MFHAS1: variants seen among roughly 807,000 people sequenced by gnomAD.
MFHAS1 encodes multifunctional ROCO family signaling regulator 1.
Under a neutral mutation model 70.4 loss-of-function variants are expected in MFHAS1, and 50 were observed. The ratio of observed to expected loss-of-function variants is 0.71; its 90% confidence interval spans 0.57 to 0.90. MFHAS1 has a LOEUF of 0.90. MFHAS1 is among the 40% of genes least tolerant of loss of function. The pLI, the probability that MFHAS1 is intolerant of heterozygous loss-of-function variation, is 0.00. For missense variants in MFHAS1, 1,795 were observed against 1,347.6 expected, an observed-to-expected ratio of 1.33 and a Z score of -5.20; for synonymous variants, 952 against 620.0, an observed-to-expected ratio of 1.54 and a Z score of -7.96.
At chr8:8,831,134 G>T (rs977580580) in intron 1 of MFHAS1, among the ~76,000 whole-genome samples, 1 of 152,042 alleles carries the variant, frequency 6.6e-6, no homozygotes, top group East Asian at 1.9e-4. Context: ...ATGGCAGAGA[G>T]AGACACAGTG....
At chr8:8,786,107 A>G (rs776590073) in intron 2 of MFHAS1, 52 bp from the exon 3 acceptor site, 1 of 1,472,868 alleles carries the variant, frequency 6.8e-7, no homozygotes, top group Non-Finnish European at 9.5e-7. Context: ...CGTACTGGAC[A>G]ATGCTACCCT....
chr8:8,859,995 G>C (rs1378616430), intron 1 of MFHAS1: 1 of 152,174 alleles, frequency 6.6e-6, no homozygotes, highest in Non-Finnish European at 1.5e-5. Context: ...CATACCTTAG[G>C]TGGAGGATTT....
chr8:8,813,173 G>A (rs193177312), intron 1 of MFHAS1, among the ~76,000 whole-genome samples: 1 of 152,290 alleles, frequency 6.6e-6, no homozygotes, highest in East Asian at 1.9e-4. Context: ...ATGTCGTAGA[G>A]CAATGCATTA....
intron 1 of MFHAS1, among the ~76,000 whole-genome samples, chr8:8,883,424 T>C (rs1325347122): frequency 6.6e-6 from 1 of 151,730 alleles, no homozygotes; most frequent in Non-Finnish European, 1.5e-5. Context: ...AGGGCTCCCA[T>C]GGGCCAGGCG....
chr8:8,842,640 C>G (rs1807876102), intron 1 of MFHAS1, among the ~76,000 whole-genome samples: 1 of 152,190 alleles, frequency 6.6e-6, no homozygotes, highest in African/African-American at 2.4e-5. Context: ...CGGCATCACC[C>G]AGGAGCTGGT....
At chr8:8,867,563 CTT>C (rs895280359) in intron 1 of MFHAS1, among the ~76,000 whole-genome samples, 13 of 144,264 alleles carry the variant, frequency 9.0e-5, no homozygotes, top group Admixed American at 6.9e-5. Context: ...AATTGCTATA[CTT>C]TTTTTTTTTT....
At chr8:8,856,224 C>T (rs1808432872) in intron 1 of MFHAS1, among the ~76,000 whole-genome samples, 1 of 152,174 alleles carries the variant, frequency 6.6e-6, no homozygotes, top group African/African-American at 2.4e-5. Context: ...AGGAGCTGGG[C>T]ATGGTACAAG....
chr8:8,832,307 G>A (rs74429308), intron 1 of MFHAS1, among the ~76,000 whole-genome samples: 1 of 152,000 alleles, frequency 6.6e-6, no homozygotes, highest in Non-Finnish European at 1.5e-5. Flanking sequence ...GAACATGTTT[G>A]TAATACATAC....
chr8:8,892,613 G>A lies in MFHAS1; in HGVS notation c.446C>T (p.Ala149Val), dbSNP rs1184729628. The A allele has an allele frequency of 1.6e-5, 25 of 1,608,076 alleles. No individual in the cohort carries two copies. The Admixed American group carries it at 3.6e-4, about 23-fold the overall frequency. The change falls in exon 1 of 3, where the codon GCC becomes GTC. Residue 149 changes from alanine (A) to valine (V), a missense_variant. By Grantham distance (64) the Ala-to-Val change is moderately conservative. Coordinates refer to ENST00000276282, the MANE Select transcript of MFHAS1 (RefSeq NM_004225.3). This position sits in a 1 kb window ranked among gnomAD's most constrained non-coding sequence, Gnocchi z 4.7. Reference sequence around the variant, plus strand: ...GAGAGCGCCCAGCTGGGCGGGCAGGGCGGGCAGCTGGTTGTGGCTGAGGTT... The same window carrying A: ...GAGAGCGCCCAGCTGGGCGGGCAGGACGGGCAGCTGGTTGTGGCTGAGGTT... ...KLNLSHNQLPALPAQLGALAH... is the reference protein window; with the variant it reads ...KLNLSHNQLPVLPAQLGALAH...
intron 1 of MFHAS1, among the ~76,000 whole-genome samples, chr8:8,818,980 T>C (rs950721): frequency 0.6 from 90,584 of 152,050 alleles, 27,169 homozygotes; most frequent in South Asian, 0.73. Context: ...TACTAACATG[T>C]GTCAAAGAAT....
Position 8,890,080 on chromosome 8 carries a change from G to T in MFHAS1, c.2979C>A (p.Pro993=). Residue 993 remains proline (P), a synonymous_variant, in exon 1 of 3, where the codon CCC becomes CCA. Coordinates refer to ENST00000276282, the MANE Select transcript of MFHAS1 (RefSeq NM_004225.3). ...ACTTACCTGGAAAAGCATGTGGATT[G>T]GGCGATCCTCTCTTAAGGCACTTAG... The part of the protein sequence containing the change: ...LCSKCLKRGS[P]NPHAFPGELL... 1 of 1,605,426 alleles carries T rather than the reference G, an allele frequency of 6.2e-7. No homozygotes were observed. The highest frequency in any genetic ancestry group is 1.1e-5 in the South Asian group (1 of 90,086).
At chr8:8,807,726 G>C (rs957941547) in intron 1 of MFHAS1, among the ~76,000 whole-genome samples, 1 of 152,140 alleles carries the variant, frequency 6.6e-6, no homozygotes, top group Non-Finnish European at 1.5e-5. Context: ...ACTAATTCAA[G>C]GAAGTAAATT....
At chr8:8,811,456 T>G (rs1806545302) in intron 1 of MFHAS1, among the ~76,000 whole-genome samples, 1 of 152,112 alleles carries the variant, frequency 6.6e-6, no homozygotes, top group South Asian at 2.1e-4. Flanking sequence ...ATTTTTATTT[T>G]TTGTAGAGAT....
intron 1 of MFHAS1, among the ~76,000 whole-genome samples, chr8:8,866,901 T>C (rs1808879587): frequency 6.6e-6 from 1 of 152,198 alleles, no homozygotes; most frequent in African/African-American, 2.4e-5. Flanking sequence ...CTTGCATAAT[T>C]AGCCTTCTTT....
chr8:8,792,154 T>G (rs1252215264), intron 2 of MFHAS1, among the ~76,000 whole-genome samples: 4 of 151,098 alleles, frequency 2.6e-5, no homozygotes, highest in South Asian at 2.1e-4. Flanking sequence ...GGAGAATCAT[T>G]TGAACCCAGG....
At position 8,892,404 on chromosome 8, in the gene MFHAS1, G is replaced by A. The variant is rs1439610616; in HGVS notation, c.655C>T (p.Leu219=). ...CGCAGGGCACTGATATCCTCAGGCA[G>A]GCCCCGCAGCCGGTTGCTGGACACG... ...LDVSSNRLRG[L]PEDISALRAL... Residue 219 remains leucine, a synonymous_variant, in exon 1 of 3, where the codon CTG becomes TTG. Transcript: ENST00000276282. This position sits in a 1 kb window ranked among gnomAD's most constrained non-coding sequence, Gnocchi z 4.7. The A allele has an allele frequency of 3.1e-6, 5 of 1,612,930 alleles. No homozygotes were observed. The African/African-American group carries it at 4.0e-5, about 13-fold the overall frequency.
intron 1 of MFHAS1, among the ~76,000 whole-genome samples, chr8:8,863,647 G>A (rs1213678727): frequency 5.3e-5 from 8 of 151,932 alleles, no homozygotes. Flanking sequence ...TACCTATTTG[G>A]ACTTCCTCAG....
At chr8:8,804,782 G>T (rs573839866) in intron 1 of MFHAS1, among the ~76,000 whole-genome samples, 62 of 152,312 alleles carry the variant, frequency 4.1e-4, no homozygotes, top group African/African-American at 1.3e-3. Flanking sequence ...GGGAAGCCGT[G>T]CCAGGCCCAC....
chr8:8,819,438 T>C (rs968946901), intron 1 of MFHAS1, among the ~76,000 whole-genome samples: 1 of 151,868 alleles, frequency 6.6e-6, no homozygotes, highest in African/African-American at 2.4e-5. Flanking sequence ...ACCCCATCTC[T>C]ACTAAAAACA....
Sources: allele counts gnomAD v4.1 joint callset (sites outside exome capture counted in the v4.1 genomes callset), GRCh38; gene constraint gnomAD v4.1.1; non-coding constraint Gnocchi (gnomAD v3.1); transcripts MANE v1.5; gene names NCBI Gene and HGNC (gene_info 2026-07-23, HGNC 2026-07-21).